The following PTPRD variants were observed in gnomAD, a reference collection of about 807,000 sequenced individuals.
The protein encoded by PTPRD is protein tyrosine phosphatase receptor type D, also known as receptor-type tyrosine-protein phosphatase delta.
In PTPRD, 34 loss-of-function variants were observed where a neutral mutation model predicts 214.5. The ratio of observed to expected loss-of-function variants is 0.16; its 90% CI spans 0.12 to 0.21. The LOEUF (loss-of-function observed/expected upper bound fraction) is 0.21. PTPRD is among the 10% of genes least tolerant of loss of function. The pLI is 1.00. For missense variants in PTPRD, 2,545 were observed against 2,398.7 expected, an observed-to-expected ratio of 1.06 and a Z score of -1.27; for synonymous variants, 1,128 against 845.7, an observed-to-expected ratio of 1.33 and a Z score of -5.79.
At chr9:10,350,829 G>A (rs1019991621) in intron 2 of PTPRD, among the ~76,000 whole-genome samples, 7 of 152,156 alleles carry the variant, frequency 4.6e-5, no homozygotes, top group Admixed American at 2.6e-4. Context: ...AATATTGAGC[G>A]TGGTGGGATA....
intron 11 of PTPRD, among the ~76,000 whole-genome samples, chr9:8,793,156 A>G (rs10121423): frequency 0.084 from 12,839 of 152,204 alleles, 1,225 homozygotes; most frequent in African/African-American, 0.23. Context: ...TAGCCCTGTC[A>G]TTGTAACAGG....
chr9:10,273,551 T>G (rs7848088), intron 3 of PTPRD, among the ~76,000 whole-genome samples: 26,324 of 152,068 alleles, frequency 0.17, 2,341 homozygotes, highest in African/African-American at 0.21. Flanking sequence ...TAGAAATGCA[T>G]TTATTTTGTT....
At chr9:9,353,835 C>G (rs1391709906) in intron 9 of PTPRD, among the ~76,000 whole-genome samples, 2 of 151,878 alleles carry the variant, frequency 1.3e-5, no homozygotes, top group African/African-American at 2.4e-5. Context: ...AAGCTCGGGT[C>G]TGATGGGTCT....
intron 5 of PTPRD, among the ~76,000 whole-genome samples, chr9:9,845,996 C>A (rs12375923): frequency 2.6e-5 from 4 of 151,958 alleles, no homozygotes; most frequent in African/African-American, 4.8e-5. Flanking sequence ...GGAACTAAGG[C>A]GGGCAGGATA....
chr9:10,167,320 C>A (rs907872160), intron 3 of PTPRD, among the ~76,000 whole-genome samples: 1 of 151,866 alleles, frequency 6.6e-6, no homozygotes, highest in Non-Finnish European at 1.5e-5. Context: ...TGGGCTCATG[C>A]GTGCACGTCT....
Position 9,206,180 on chromosome 9 carries a change from C to A in PTPRD, c.-202-22817G>T, listed in dbSNP as rs145797400. Among the ~76,000 whole-genome samples, 14 of 152,196 alleles carry A rather than the reference C, an allele frequency of 9.2e-5. No homozygotes were observed. In the East Asian group the frequency reaches 2.7e-3, roughly 29 times the overall value. On this transcript the variant is annotated intron_variant, in intron 9 of 45. Transcript: ENST00000381196. The stretch of plus-strand genomic sequence containing the variant: ...TCAAAGAACAAGGTGACCAGTGTTG[C>A]TGGGGCTGAGTGAGTGATAGGGAAG...
intron 11 of PTPRD, among the ~76,000 whole-genome samples, chr9:8,852,275 A>T (rs966943490): frequency 3.3e-5 from 5 of 152,216 alleles, no homozygotes; most frequent in Non-Finnish European, 5.9e-5. Context: ...GAAAAAGACA[A>T]TTGAGAATTT....
chr9:8,500,504 A>G (rs1032020882), intron 24 of PTPRD, among the ~76,000 whole-genome samples: 1 of 142,120 alleles, frequency 7.0e-6, no homozygotes, highest in Admixed American at 7.3e-5. Flanking sequence ...AGACCATAGG[A>G]GCCAACAGTT....
At chr9:9,394,205 T>G (rs1256746316) in intron 9 of PTPRD, among the ~76,000 whole-genome samples, 1 of 152,130 alleles carries the variant, frequency 6.6e-6, no homozygotes, top group Non-Finnish European at 1.5e-5. Context: ...AGAAAGCAAA[T>G]GGAATGGCTA....
chr9:10,369,720 G>C (rs1302181783), intron 2 of PTPRD, among the ~76,000 whole-genome samples: 2 of 151,924 alleles, frequency 1.3e-5, no homozygotes, highest in Non-Finnish European at 2.9e-5. Context: ...CAGACTGACG[G>C]CTTCTGGATC....
chr9:8,417,786 T>C (rs983026178), intron 35 of PTPRD, among the ~76,000 whole-genome samples: 4 of 152,096 alleles, frequency 2.6e-5, no homozygotes, highest in Non-Finnish European at 5.9e-5. Context: ...AGACATTAAA[T>C]AAAATACAAC....
intron 8 of PTPRD, among the ~76,000 whole-genome samples, chr9:9,504,254 T>C (rs1003455529): frequency 3.3e-5 from 5 of 151,752 alleles, no homozygotes; most frequent in African/African-American, 1.2e-4. Context: ...TTTTGCTCTA[T>C]ATTTCTACTT....
chr9:9,275,177 ATATATGTTATATATATATATAT>A lies in PTPRD; in HGVS notation c.-202-91836_-202-91815del, dbSNP rs1419467741. Among the ~76,000 whole-genome samples the A allele has an allele frequency of 3.6e-3, 93 of 25,560 alleles. 1 individual carries two copies. The highest frequency in any genetic ancestry group is 0.012 in the South Asian group (17 of 1,384). The allele number at this position is 25,560 out of a possible 152,430, so 16.8% of individuals were successfully genotyped here. On this transcript the variant is annotated intron_variant, in intron 9 of 45. Coordinates refer to ENST00000381196, the MANE Select transcript of PTPRD (RefSeq NM_002839.4). Reference sequence around the variant, plus strand: ...ATTATATATATAACATATATATAATATATATGTTATATATATATATATTATATATATATATATATAACCATTA... The same window carrying A: ...ATTATATATATAACATATATATAATATATATATATATATATATAACCATTA...
chr9:9,980,565 C>T (rs191834222), intron 4 of PTPRD, among the ~76,000 whole-genome samples: 121 of 122,640 alleles, frequency 9.9e-4, no homozygotes, highest in Non-Finnish European at 1.3e-3. Context: ...GCAGAGTTCA[C>T]GCCACTGCAC....
intron 10 of PTPRD, among the ~76,000 whole-genome samples, chr9:9,021,734 T>C (rs1442300007): frequency 6.6e-6 from 1 of 152,078 alleles, no homozygotes; most frequent in African/African-American, 2.4e-5. Context: ...AATGTGTGTG[T>C]TTGTGTCTTA....
intron 11 of PTPRD, among the ~76,000 whole-genome samples, chr9:8,928,102 G>A (rs7466172): frequency 6.6e-6 from 1 of 152,078 alleles, no homozygotes; most frequent in African/African-American, 2.4e-5. Context: ...CTGGATATTT[G>A]CCCTTTGTCA....
chr9:8,356,590 G>A (rs977228462), intron 39 of PTPRD, among the ~76,000 whole-genome samples: 13 of 152,140 alleles, frequency 8.5e-5, no homozygotes, highest in Non-Finnish European at 1.9e-4. Context: ...CCAGATCTCA[G>A]CTATTAGGTT....
intron 11 of PTPRD, among the ~76,000 whole-genome samples, chr9:8,824,397 A>G (rs941893239): frequency 6.6e-6 from 1 of 152,122 alleles, no homozygotes; most frequent in Non-Finnish European, 1.5e-5. Context: ...TGGCCTAACT[A>G]TGGGGGTCTC....
chr9:9,846,415 G>A (rs755538736), intron 5 of PTPRD, among the ~76,000 whole-genome samples: 3 of 152,042 alleles, frequency 2.0e-5, no homozygotes, highest in Non-Finnish European at 2.9e-5. Flanking sequence ...CTACACTCTC[G>A]AGACTTTATC....
Sources: gnomAD v4.1 joint callset for allele counts (sites outside exome capture counted in the v4.1 genomes callset) on GRCh38, gnomAD v4.1.1 for gene constraint, MANE v1.5 for transcripts, NCBI Gene and HGNC (gene_info 2026-07-23, HGNC 2026-07-21) for gene names.